PTPDC1: variants seen among roughly 807,000 people sequenced by gnomAD.
The protein encoded by PTPDC1 is protein tyrosine phosphatase domain containing 1.
In PTPDC1, 53 loss-of-function variants were observed where a neutral mutation model predicts 75.3. The observed-to-expected ratio is 0.70, with a 90% CI of 0.56 to 0.88. The LOEUF (loss-of-function observed/expected upper bound fraction) is 0.88, where lower values mean the gene tolerates loss of function less well. Among genes scored for constraint, PTPDC1 ranks in the 40% least tolerant of loss-of-function variants. PTPDC1 has a pLI of 0.00. For missense variants in PTPDC1, 925 were observed against 998.6 expected (o/e 0.93, Z 0.99); for synonymous variants, 349 against 366.2 (o/e 0.95, Z 0.54).
At chr9:94,046,066 T>C (rs1045987224) in intron 1 of PTPDC1, among the ~76,000 whole-genome samples, 2 of 152,226 alleles carry the variant, frequency 1.3e-5, no homozygotes, top group Admixed American at 6.5e-5. Context: ...TACATATGGC[T>C]AGCCAGTTTT....
chr9:94,056,089 C>G (rs1459843974), intron 1 of PTPDC1, among the ~76,000 whole-genome samples: 2 of 151,842 alleles, frequency 1.3e-5, no homozygotes, highest in Non-Finnish European at 2.9e-5. Context: ...TGTTATAAAC[C>G]CAAAACTGCT....
At chr9:94,058,893 A>C (rs1322480244) in intron 1 of PTPDC1, among the ~76,000 whole-genome samples, 1 of 151,126 alleles carries the variant, frequency 6.6e-6, no homozygotes, top group Non-Finnish European at 1.5e-5. Flanking sequence ...TGGGAGGCTG[A>C]GGTAGCAGAA....
At chr9:94,089,190 T>A (rs1270666757) in intron 4 of PTPDC1, among the ~76,000 whole-genome samples, 4 of 146,486 alleles carry the variant, frequency 2.7e-5, no homozygotes, top group Non-Finnish European at 6.0e-5. Flanking sequence ...TAACTCGTCA[T>A]CTAGCATTAG....
chr9:94,053,677 C>G (rs1825850602), intron 1 of PTPDC1, among the ~76,000 whole-genome samples: 1 of 152,190 alleles, frequency 6.6e-6, no homozygotes, highest in Admixed American at 6.5e-5. Flanking sequence ...TTATTGCTAT[C>G]ATGCATCCGT....
chr9:94,040,249 T>C (rs753818539), intron 1 of PTPDC1, among the ~76,000 whole-genome samples: 4 of 152,210 alleles, frequency 2.6e-5, no homozygotes, highest in African/African-American at 4.8e-5. Flanking sequence ...GTGACTCCAT[T>C]CTGGTTTGGT....
chr9:94,062,831 T>G (rs1164243494), intron 1 of PTPDC1, among the ~76,000 whole-genome samples: 1 of 152,122 alleles, frequency 6.6e-6, no homozygotes, highest in Non-Finnish European at 1.5e-5. Flanking sequence ...TAGACATGTT[T>G]TCGGTAGGCT....
Position 94,061,541 on chromosome 9 carries a change from G to A in PTPDC1, c.-6-3193G>A, listed in dbSNP as rs180700502. Among the ~76,000 whole-genome samples the A allele has an allele frequency of 3.4e-3, 523 of 152,340 alleles. 4 individuals carry two copies. Among genetic ancestry groups the A allele is most frequent in the African/African-American group, 0.012 (498 of 41,588 alleles). ...GGGCTCTGCCCCTGCAGCAGGCTTC[G>A]GCCTGGACATTCAGGTTTTTCCATA... On this transcript the variant is annotated intron_variant, in intron 1 of 9. Coordinates refer to the PTPDC1 transcript ENST00000375360.
intron 4 of PTPDC1, among the ~76,000 whole-genome samples, chr9:94,092,450 A>G (rs1409689074): frequency 2.9e-5 from 4 of 139,804 alleles, no homozygotes; most frequent in Non-Finnish European, 6.2e-5. Flanking sequence ...TCTGAGAGAT[A>G]GTTTGTTATA....
intron 8 of PTPDC1, among the ~76,000 whole-genome samples, chr9:94,105,931 C>G (rs1195860997): frequency 2.0e-5 from 3 of 151,870 alleles, no homozygotes; most frequent in East Asian, 1.9e-4. Flanking sequence ...CAAGATTGCA[C>G]CACTGCACTC....
chr9:94,040,500 T>G (rs1263097772), intron 1 of PTPDC1, among the ~76,000 whole-genome samples: 2 of 152,188 alleles, frequency 1.3e-5, no homozygotes, highest in Non-Finnish European at 2.9e-5. Flanking sequence ...TGTAGATATC[T>G]GGGCCATCAT....
intron 1 of PTPDC1, among the ~76,000 whole-genome samples, chr9:94,052,594 C>T (rs891594583): frequency 1.1e-4 from 17 of 152,042 alleles, no homozygotes; most frequent in Non-Finnish European, 1.6e-4. Flanking sequence ...GTCTATTTCT[C>T]CTTTAGTTTT....
intron 1 of PTPDC1, among the ~76,000 whole-genome samples, chr9:94,038,644 A>C (rs1825345749): frequency 6.6e-6 from 1 of 152,226 alleles, no homozygotes; most frequent in African/African-American, 2.4e-5. Context: ...TGCCATCTTA[A>C]AACTTACTGG....
At chr9:94,045,414 G>A (rs1270326454) in intron 1 of PTPDC1, among the ~76,000 whole-genome samples, 2 of 152,068 alleles carry the variant, frequency 1.3e-5, no homozygotes, top group African/African-American at 2.4e-5. Context: ...CAGAGGAATC[G>A]CCACACTGAC....
chr9:94,070,867 A>G (rs377413993), intron 2 of PTPDC1, among the ~76,000 whole-genome samples: 11 of 152,288 alleles, frequency 7.2e-5, no homozygotes, highest in African/African-American at 2.4e-4. Flanking sequence ...ATTGCTGAGT[A>G]GTATTCCGTG....
At chr9:94,039,029 T>C (rs1173354891) in intron 1 of PTPDC1, among the ~76,000 whole-genome samples, 1 of 152,202 alleles carries the variant, frequency 6.6e-6, no homozygotes, top group Non-Finnish European at 1.5e-5. Context: ...ATAATCTAAG[T>C]CAAACTAAGT....
At chr9:94,038,956 A>G (rs776271988) in intron 1 of PTPDC1, among the ~76,000 whole-genome samples, 9 of 152,200 alleles carry the variant, frequency 5.9e-5, no homozygotes, top group African/African-American at 2.2e-4. Flanking sequence ...AATTTTATAG[A>G]TGATCTATAA....
At chr9:94,104,125 G>A in intron 7 of PTPDC1, 150 bp from the exon 8 acceptor site, 1 of 548,088 alleles carries the variant, frequency 1.8e-6, no homozygotes, top group African/African-American at 1.9e-5. Context: ...ATAAACATTT[G>A]TTGATGTTTA....
In PTPDC1 at chr9:94,044,464, C is replaced by G. The variant is rs148509508; in HGVS notation, c.-7+13337C>G. On this transcript the variant is annotated intron_variant, in intron 1 of 9. Transcript: ENST00000375360. The stretch of plus-strand genomic sequence containing the variant: ...CTGATGCTCTTCCTCCCCCGACCCC[C>G]CAACAGGCCCCAGTGTATGTTGTTC... 7.8e-3 allele frequency among the ~76,000 whole-genome samples: 1,184 copies of G among 152,268 alleles called. 7 individuals carry two copies. The highest frequency in any genetic ancestry group is 0.012 in the Non-Finnish European group (827 of 68,018).
At chr9:94,100,518 AC>A (rs2118080434) in intron 6 of PTPDC1, 1 of 152,360 alleles carries the variant, frequency 6.6e-6, no homozygotes, top group African/African-American at 2.4e-5. Flanking sequence ...CATAATAGAA[AC>A]AGCACAGACT....
Sources: allele counts gnomAD v4.1 joint callset (sites outside exome capture counted in the v4.1 genomes callset), GRCh38; gene constraint gnomAD v4.1.1; transcripts MANE v1.5; gene names NCBI Gene and HGNC (gene_info 2026-07-23, HGNC 2026-07-21).